Variants in ZNF618 observed in about 807,000 individuals in gnomAD.
ZNF618 encodes neural precursor cell expressed, developmentally down-regulated 10.
In ZNF618, 34 loss-of-function variants were observed where a neutral mutation model predicts 103.0. The observed-to-expected ratio is 0.33, with a 90% confidence interval of 0.25 to 0.44. ZNF618 has a LOEUF of 0.44. Ranked by LOEUF, ZNF618 falls within the 20% of genes least tolerant of loss-of-function variation. ZNF618 has a pLI of 1.00. For missense variants in ZNF618, 1,059 were observed against 1,295.4 expected (o/e 0.82, Z 2.80); for synonymous variants, 551 against 542.2 (o/e 1.02, Z -0.23).
Position 114,049,300 on chromosome 9 carries a change from C to T in ZNF618, c.1998C>T (p.Asn666=), listed in dbSNP as rs201077154. 2,145 of 1,612,078 alleles carry T rather than the reference C, an allele frequency of 1.3e-3. 7 individuals are homozygous for T. Among genetic ancestry groups the T allele is most frequent in the Middle Eastern group, 0.012 (72 of 6,060 alleles). ...TGCACGAGGTCATCGAGCTGCTCAA[C>T]GTGTGCGAGGACCTGGCGGGCTCCA... The part of the protein sequence containing the change: ...RSMHEVIELL[N]VCEDLAGSTG... The change falls in exon 15 of 15, where the codon AAC becomes AAT. Residue 666 remains asparagine (N), a synonymous_variant. Transcript: ENST00000374126.
intron 1 of ZNF618, among the ~76,000 whole-genome samples, chr9:113,897,178 T>G (rs1830104636): frequency 6.6e-6 from 1 of 152,196 alleles, no homozygotes; most frequent in South Asian, 2.1e-4. Context: ...TGTGTTTTGT[T>G]TCATCTAATT....
Position 113,980,650 on chromosome 9 carries a change from A to G in ZNF618, c.78-7671A>G, listed in dbSNP as rs1424746647. ...TGTGGATAAAAATACAATAGGTTCT[A>G]GAACTGATCCTTGGGGCATATCAAG... is the stretch of plus-strand genomic sequence containing the variant. On this transcript the variant is annotated intron_variant, in intron 2 of 14. Coordinates refer to ENST00000374126, the MANE Select transcript of ZNF618 (RefSeq NM_001318042.2). 4.6e-5 allele frequency among the ~76,000 whole-genome samples: 7 copies of G among 152,352 alleles called. No individual in the cohort carries two copies. The East Asian group carries it at 1.2e-3, about 25-fold the overall frequency.
chr9:113,944,630 G>T (rs1359296233), intron 1 of ZNF618, among the ~76,000 whole-genome samples: 10 of 152,164 alleles, frequency 6.6e-5, no homozygotes. Context: ...GAAATGTCAT[G>T]CAAGCCGCAT....
At chr9:114,036,974 T>A (rs925846910) in intron 13 of ZNF618, among the ~76,000 whole-genome samples, 1 of 152,226 alleles carries the variant, frequency 6.6e-6, no homozygotes, top group African/African-American at 2.4e-5. Flanking sequence ...TTTGCATTTC[T>A]GGTAAGTCTT....
intron 1 of ZNF618, among the ~76,000 whole-genome samples, chr9:113,945,607 T>C (rs1175265448): frequency 6.6e-6 from 1 of 152,180 alleles, no homozygotes; most frequent in Non-Finnish European, 1.5e-5. Context: ...CCATGGGACC[T>C]CCAGAGGATC....
chr9:113,988,667 G>GC (rs1839725086), intron 3 of ZNF618, 87 bp downstream of exon 3: 2 of 1,471,636 alleles, frequency 1.4e-6, no homozygotes, highest in Non-Finnish European at 1.8e-6. Context: ...TGGCGCCTCT[G>GC]CCCCCTTCCT....
At chr9:113,963,379 G>A (rs985606147) in intron 1 of ZNF618, among the ~76,000 whole-genome samples, 26 of 152,230 alleles carry the variant, frequency 1.7e-4, no homozygotes, top group African/African-American at 6.0e-4. Flanking sequence ...TTGGTAGTTT[G>A]AATGTAATAT....
chr9:113,889,173 G>A (rs575645587), intron 1 of ZNF618, among the ~76,000 whole-genome samples: 1 of 152,202 alleles, frequency 6.6e-6, no homozygotes, highest in African/African-American at 2.4e-5. Context: ...CAGTTGGTCA[G>A]TTCTGGCTCA....
At chr9:113,937,350 G>T (rs1834118436) in intron 1 of ZNF618, among the ~76,000 whole-genome samples, 1 of 152,130 alleles carries the variant, frequency 6.6e-6, no homozygotes, top group South Asian at 2.1e-4. Flanking sequence ...GAATACTTCA[G>T]AAATGTTTCC....
At chr9:114,039,908 C>T (rs969494865) in intron 13 of ZNF618, among the ~76,000 whole-genome samples, 5 of 150,792 alleles carry the variant, frequency 3.3e-5, no homozygotes, top group African/African-American at 1.0e-4. Context: ...ATTCCAGCTT[C>T]GCATCCAGCC....
intron 10 of ZNF618, among the ~76,000 whole-genome samples, chr9:114,018,547 G>C (rs1842824263): frequency 6.6e-6 from 1 of 152,178 alleles, no homozygotes; most frequent in Non-Finnish European, 1.5e-5. Context: ...GAGTTAGTAA[G>C]ATGGGGAGCT....
At chr9:113,971,814 C>T (rs761460641) in intron 2 of ZNF618, among the ~76,000 whole-genome samples, 3 of 152,022 alleles carry the variant, frequency 2.0e-5, no homozygotes, top group East Asian at 1.9e-4. Flanking sequence ...TAGGGTGGCA[C>T]GTGAGACATT....
intron 9 of ZNF618, among the ~76,000 whole-genome samples, chr9:114,011,374 TGACA>T (rs1842224522): frequency 6.6e-6 from 1 of 152,246 alleles, no homozygotes; most frequent in African/African-American, 2.4e-5. Flanking sequence ...TAACTAAGTC[TGACA>T]GACAGCCAAC....
At chr9:114,042,823 T>A (rs566248995) in intron 13 of ZNF618, among the ~76,000 whole-genome samples, 1 of 152,292 alleles carries the variant, frequency 6.6e-6, no homozygotes, top group South Asian at 2.1e-4. Context: ...AGCAAGACCC[T>A]ATCTCTAAAA....
At chr9:113,885,855 C>T (rs768588670) in intron 1 of ZNF618, among the ~76,000 whole-genome samples, 15 of 151,962 alleles carry the variant, frequency 9.9e-5, no homozygotes, top group African/African-American at 1.7e-4. Flanking sequence ...GGTATTGAGT[C>T]GACAAAAAAG....
rs34560424 is a variant in ZNF618 at position 114,012,357 on chromosome 9, A to AAG, written c.754+3814_754+3815dup. Among the ~76,000 whole-genome samples the AAG allele has an allele frequency of 3.6e-3, 546 of 152,002 alleles. 4 individuals are homozygous for AAG. Among genetic ancestry groups the AAG allele is most frequent in the Non-Finnish European group, 5.7e-3 (386 of 67,950 alleles). On this transcript the variant is annotated intron_variant, in intron 9 of 14. Coordinates refer to ENST00000374126, the MANE Select transcript of ZNF618 (RefSeq NM_001318042.2). ...ACCATATGTCTGGACATGATGGTGA[A>AAG]AGAGAGAGAGAGCAAGCTTTCTGGC...
At chr9:113,901,958 A>AT (rs1266066161) in intron 1 of ZNF618, among the ~76,000 whole-genome samples, 1 of 152,078 alleles carries the variant, frequency 6.6e-6, no homozygotes, top group East Asian at 1.9e-4. Flanking sequence ...GTGCCTCTTC[A>AT]TGCCTTTTTG....
chr9:113,966,826 C>T (rs2132716761), intron 1 of ZNF618, among the ~76,000 whole-genome samples: 1 of 152,332 alleles, frequency 6.6e-6, no homozygotes, highest in South Asian at 2.1e-4. Context: ...CCCAGCAGCA[C>T]CACCTGAGTC....
intron 2 of ZNF618, among the ~76,000 whole-genome samples, chr9:113,972,994 A>G (rs367817264): frequency 9.3e-4 from 142 of 152,252 alleles, no homozygotes; most frequent in African/African-American, 3.3e-3. Context: ...ACTTGAACCC[A>G]GGAGGTGGAG....
Sources: gnomAD v4.1 joint callset for allele counts (sites outside exome capture counted in the v4.1 genomes callset) on GRCh38, gnomAD v4.1.1 for gene constraint, MANE v1.5 for transcripts, NCBI Gene and HGNC (gene_info 2026-07-23, HGNC 2026-07-21) for gene names.